Variants in SLC39A10 observed in about 807,000 individuals in gnomAD.
SLC39A10 encodes the protein solute carrier family 39 member 10.
In SLC39A10, 13 loss-of-function variants were observed where a neutral mutation model predicts 65.1. The observed-to-expected ratio is 0.20, with a 90% confidence interval of 0.13 to 0.32. The LOEUF is 0.32. Among genes scored for constraint, SLC39A10 ranks in the 10% least tolerant of loss-of-function variants. The pLI is 1.00. For missense variants in SLC39A10, 831 were observed against 1,018.4 expected (o/e 0.82, Z 2.50); for synonymous variants, 321 against 342.2 (o/e 0.94, Z 0.68).
intron 2 of SLC39A10, among the ~76,000 whole-genome samples, chr2:195,632,761 CCT>C (rs1688615553): frequency 1.0e-3 from 1 of 966 alleles, no homozygotes; most frequent in South Asian, 0.045. Flanking sequence ...TATTTTGAAA[CCT>C]CTAAAATAAT....
At chr2:195,662,956 C>T (rs1559021464) in intron 1 of SLC39A10, among the ~76,000 whole-genome samples, 2 of 152,180 alleles carry the variant, frequency 1.3e-5, no homozygotes, top group African/African-American at 4.8e-5. Flanking sequence ...CTTTTTGTCT[C>T]TTTCCGCTTT....
intron 1 of SLC39A10, among the ~76,000 whole-genome samples, chr2:195,678,452 T>C (rs1003795808): frequency 1.3e-5 from 2 of 152,148 alleles, no homozygotes; most frequent in East Asian, 3.8e-4. Flanking sequence ...CATTTTTTCA[T>C]TGGGTCGTCT....
At chr2:195,719,052 T>C (rs1351544504) in intron 8 of SLC39A10, among the ~76,000 whole-genome samples, 2 of 152,074 alleles carry the variant, frequency 1.3e-5, no homozygotes, top group East Asian at 3.8e-4. Flanking sequence ...CCTATATTTT[T>C]CTTTTTTCAT....
At chr2:195,667,561 C>T (rs1444757149) in intron 1 of SLC39A10, among the ~76,000 whole-genome samples, 3 of 152,160 alleles carry the variant, frequency 2.0e-5, no homozygotes, top group Admixed American at 2.0e-4. Flanking sequence ...AGAGACTCCT[C>T]CCCCTCCACC....
intron 3 of SLC39A10, among the ~76,000 whole-genome samples, chr2:195,704,696 A>G (rs1290126869): frequency 6.6e-6 from 1 of 152,094 alleles, no homozygotes; most frequent in Non-Finnish European, 1.5e-5. Flanking sequence ...TTCTTTCTAG[A>G]ATAAGGTTTT....
At chr2:195,717,414 T>A (rs1691859857) in intron 7 of SLC39A10, 1 of 160,750 alleles carries the variant, frequency 6.2e-6, no homozygotes, top group African/African-American at 2.4e-5. Context: ...TTGTACTAAA[T>A]TCAAATATAT....
intron 1 of SLC39A10, chr2:195,658,350 G>A (rs1689248306): frequency 6.6e-6 from 1 of 152,234 alleles, no homozygotes; most frequent in Non-Finnish European, 1.5e-5. Flanking sequence ...TCCGTTGGAA[G>A]GGTCGTTCAC....
chr2:195,629,388 C>T (rs955395965), intron 2 of SLC39A10, among the ~76,000 whole-genome samples: 14 of 139,314 alleles, frequency 1.0e-4, no homozygotes, highest in African/African-American at 3.3e-4. Flanking sequence ...AGCGAGATTC[C>T]TTTCAAAAAA....
intron 3 of SLC39A10, among the ~76,000 whole-genome samples, chr2:195,702,615 A>G (rs545182339): frequency 3.3e-5 from 5 of 152,206 alleles, no homozygotes. Flanking sequence ...TTAAGTATAC[A>G]GTTCATTGGC....
Position 195,716,845 on chromosome 2 carries a change from G to C in SLC39A10, c.1905G>C (p.Val635=). 1 of 1,614,150 alleles carries C rather than the reference G, an allele frequency of 6.2e-7. No homozygotes were observed. The highest frequency in any genetic ancestry group is 1.1e-5 in the South Asian group (1 of 91,076). ...ACCACCACGGCGAGAACAAAACTGTGCTGAGGAAGCATAATCACCAGTGGC... is the reference window on the plus strand; with the variant it reads ...ACCACCACGGCGAGAACAAAACTGTCCTGAGGAAGCATAATCACCAGTGGC... The part of the protein sequence containing the change: ...AHNHHGENKT[V]LRKHNHQWHH... Residue 635 remains valine, a synonymous_variant, in exon 7 of 10, where the codon GTG becomes GTC. Transcript: ENST00000359634.
At chr2:195,663,447 G>C (rs1009944387) in intron 1 of SLC39A10, among the ~76,000 whole-genome samples, 8 of 152,080 alleles carry the variant, frequency 5.3e-5, no homozygotes, top group African/African-American at 1.7e-4. Context: ...CAATATAAAT[G>C]AAACAATACA....
intron 8 of SLC39A10, among the ~76,000 whole-genome samples, chr2:195,723,429 G>A (rs1692121929): frequency 6.6e-6 from 1 of 152,066 alleles, no homozygotes; most frequent in African/African-American, 2.4e-5. Context: ...TGTAATGTTG[G>A]GGACCATCCA....
Position 195,716,982 on chromosome 2 carries a change from A to G in SLC39A10, c.2042A>G (p.Asn681Ser). 1.2e-6 allele frequency: 2 copies of G among 1,614,008 alleles called. No homozygotes were observed. Among genetic ancestry groups the G allele is most frequent in the Non-Finnish European group, 1.7e-6 (2 of 1,179,898 alleles). ...GTGATCATGGGGGATGGCATCCACA[A>G]CTTCAGTGATGGGCTCGCAATTGGT... Reference protein sequence around the residue: ...WMVIMGDGIHNFSDGLAIGAA... With the variant: ...WMVIMGDGIHSFSDGLAIGAA... Residue 681 changes from asparagine to serine, a missense_variant, in exon 7 of 10, where the codon AAC becomes AGC. Transcript: ENST00000359634.
At position 195,680,463 on chromosome 2, in the gene SLC39A10, A is replaced by T. The variant is rs751226807; in HGVS notation, c.421A>T (p.Thr141Ser). 1 of 1,614,184 alleles carries T rather than the reference A, an allele frequency of 6.2e-7. No homozygotes were observed. Among genetic ancestry groups the T allele is most frequent in the South Asian group, 1.1e-5 (1 of 91,074 alleles). Residue 141 changes from threonine to serine, a missense_variant, in exon 2 of 10, where the codon ACT becomes TCT. Physicochemically the swap from Thr to Ser is moderately conservative, Grantham distance 58. Transcript: ENST00000359634. ...SHNHLNSENQ[T>S]VTSVSTKRNH... ...TAATCATTTAAATTCAGAAAATCAA[A>T]CTGTGACCAGTGTATCCACAAAAAG...
At chr2:195,638,650 G>A (rs1014276680) in intron 2 of SLC39A10, among the ~76,000 whole-genome samples, 11 of 151,856 alleles carry the variant, frequency 7.2e-5, no homozygotes, top group African/African-American at 1.2e-4. Flanking sequence ...AGCCTAAAAC[G>A]GTTTTAAATT....
At chr2:195,657,446 G>C in intron 1 of SLC39A10, 165 bp downstream of exon 1, 1 of 986,000 alleles carries the variant, frequency 1.0e-6, no homozygotes, top group Non-Finnish European at 1.2e-6. Context: ...TCCCGCAGCT[G>C]CTGCAGTCGG....
intron 3 of SLC39A10, among the ~76,000 whole-genome samples, chr2:195,700,800 GCTT>G (rs1301278117): frequency 2.0e-5 from 3 of 152,032 alleles, no homozygotes; most frequent in African/African-American, 7.3e-5. Flanking sequence ...CTTATTGAGA[GCTT>G]CTTATATGTG....
At chr2:195,703,859 G>A (rs1235090138) in intron 3 of SLC39A10, among the ~76,000 whole-genome samples, 3 of 152,064 alleles carry the variant, frequency 2.0e-5, no homozygotes, top group Non-Finnish European at 4.4e-5. Context: ...TTGCCTTGTT[G>A]CCCAGGCTGG....
At chr2:195,686,193 C>T (rs923979743) in intron 3 of SLC39A10, among the ~76,000 whole-genome samples, 1 of 152,008 alleles carries the variant, frequency 6.6e-6, no homozygotes, top group African/African-American at 2.4e-5. Context: ...CATTTCATAG[C>T]ATAGGAATAA....
Sources: gnomAD v4.1 joint callset for allele counts (sites outside exome capture counted in the v4.1 genomes callset) on GRCh38, gnomAD v4.1.1 for gene constraint, MANE v1.5 for transcripts, NCBI Gene and HGNC (gene_info 2026-07-23, HGNC 2026-07-21) for gene names.